The following SPTA1 variants were observed in gnomAD, a reference collection of about 807,000 sequenced individuals.
SPTA1 encodes spectrin alpha chain, erythrocytic 1.
Under a neutral mutation model 324.7 loss-of-function variants are expected in SPTA1, and 177 were observed. The ratio of observed to expected loss-of-function variants is 0.55; its 90% confidence interval spans 0.48 to 0.62. The LOEUF (loss-of-function observed/expected upper bound fraction) is 0.62. SPTA1 is among the 20% of genes least tolerant of loss of function. SPTA1 has a pLI of 0.00. For missense variants in SPTA1, 3,162 were observed against 2,883.6 expected, an observed-to-expected ratio of 1.10 and a Z score of -2.21; for synonymous variants, 1,195 against 1,041.3, an observed-to-expected ratio of 1.15 and a Z score of -2.84.
At chr1:158,658,943 A>T (rs1408684459) in intron 18 of SPTA1, among the ~76,000 whole-genome samples, 5 of 152,086 alleles carry the variant, frequency 3.3e-5, no homozygotes, top group Non-Finnish European at 5.9e-5. Flanking sequence ...CTTTAGATGA[A>T]CAAAAGTCTA....
In SPTA1 at chr1:158,669,422, C is replaced by G. The variant is rs534906145; in HGVS notation, c.1819G>C (p.Asp607His). 6.8e-6 allele frequency: 11 copies of G among 1,614,124 alleles called. No individual in the cohort carries two copies. In the East Asian group the frequency reaches 2.2e-4, roughly 33 times the overall value. Residue 607 changes from aspartate to histidine, a missense_variant, in exon 14 of 52, where the codon GAT becomes CAT. Asp to His is a moderately conservative substitution (Grantham distance 81). Transcript: ENST00000643759. ...WINKKKKLAD[D>H]EDYKDIQNLK... ...ACTCTGCCTACCTTGTAATCTTCAT[C>G]ATCTGCCAACTTTTTCTTCTTGTTG...
At chr1:158,618,537 T>C (rs1020355140) in intron 45 of SPTA1, among the ~76,000 whole-genome samples, 2 of 152,206 alleles carry the variant, frequency 1.3e-5, no homozygotes, top group African/African-American at 4.8e-5. Flanking sequence ...ACTTTGACCA[T>C]GTATTCTAAT....
chr1:158,619,600 T>A (rs1649781829), intron 44 of SPTA1, among the ~76,000 whole-genome samples: 1 of 152,020 alleles, frequency 6.6e-6, no homozygotes, highest in African/African-American at 2.4e-5. Flanking sequence ...AAAGCAAACC[T>A]CTCCTGTTTA....
intron 23 of SPTA1, among the ~76,000 whole-genome samples, 170 bp from the exon 24 acceptor site, chr1:158,651,638 T>G (rs549265030): frequency 1.3e-5 from 2 of 152,346 alleles, no homozygotes; most frequent in Non-Finnish European, 2.9e-5. Flanking sequence ...TTAAAGATCT[T>G]GACACCTAGT....
Position 158,611,292 on chromosome 1 carries a change from C to A in SPTA1, c.7232G>T (p.Gly2411Val). ...GTTGCCAAAGTAGGAATTGGTGAAG[C>A]CAACGTAGTCATAGCCAGAGAGATG... The part of the protein sequence containing the change: ...RSHLSGYDYV[G>V]FTNSYFGN The change falls in exon 52 of 52, where the codon GGC (glycine) becomes GTC (valine). Residue 2411 changes from glycine to valine, a missense_variant. Physicochemically the swap from Gly to Val is moderately radical, Grantham distance 109 (BLOSUM62 -3). Coordinates refer to ENST00000643759, the MANE Select transcript of SPTA1 (RefSeq NM_003126.4). The A allele has an allele frequency of 6.2e-7, 1 of 1,613,788 alleles. No individual in the cohort carries two copies.
At chr1:158,630,878 G>A (rs906562321) in intron 39 of SPTA1, among the ~76,000 whole-genome samples, 5 of 152,126 alleles carry the variant, frequency 3.3e-5, no homozygotes, top group African/African-American at 9.6e-5. Context: ...ATGAAAAAAT[G>A]TTCAATATCA....
chr1:158,629,781 G>C (rs1650559707), intron 39 of SPTA1, among the ~76,000 whole-genome samples: 1 of 151,736 alleles, frequency 6.6e-6, no homozygotes, highest in Non-Finnish European at 1.5e-5. Context: ...AAAACTGTTA[G>C]AACTAGTAAA....
chr1:158,636,946 G>A (rs548875359), intron 36 of SPTA1, among the ~76,000 whole-genome samples, 185 bp from the exon 37 acceptor site: 1 of 152,170 alleles, frequency 6.6e-6, no homozygotes, highest in East Asian at 1.9e-4. Flanking sequence ...ACTTCTGACT[G>A]AGCCAATACA....
chr1:158,645,393 A>T lies in SPTA1; in HGVS notation c.3997-8T>A, dbSNP rs768253150. 20 of 1,613,692 alleles carry T rather than the reference A, an allele frequency of 1.2e-5. No individual in the cohort carries two copies. Among genetic ancestry groups the T allele is most frequent in the Non-Finnish European group, 1.7e-5 (20 of 1,179,880 alleles). ...CATGTCAGCACGGTGCTCCTGTGGG[A>T]AAAAGGGGGAAGAAATCAGTGAGGC... is the stretch of plus-strand genomic sequence containing the variant. On this transcript the variant is annotated splice_region_variant and splice_polypyrimidine_tract_variant and intron_variant, in intron 28 of 51. Coordinates refer to ENST00000643759, the MANE Select transcript of SPTA1 (RefSeq NM_003126.4).
intron 47 of SPTA1, 53 bp downstream of exon 47, chr1:158,617,484 A>T: frequency 6.7e-7 from 1 of 1,490,038 alleles, no homozygotes; most frequent in South Asian, 1.1e-5. Flanking sequence ...GATTATTTTT[A>T]CACTCCTTAT....
Position 158,644,602 on chromosome 1 carries a change from C to G in SPTA1, c.4195-206G>C, listed in dbSNP as rs184548028. ...CTTTATGTTTCTGTATATGCTACCT[C>G]CAATTCCTGGGGTGCTATTTCCTAT... On this transcript the variant is annotated intron_variant, in intron 29 of 51. Coordinates refer to ENST00000643759, the MANE Select transcript of SPTA1 (RefSeq NM_003126.4). Among the ~76,000 whole-genome samples the G allele has an allele frequency of 1.6e-4, 25 of 152,318 alleles. No individual in the cohort carries two copies. The East Asian group carries it at 4.8e-3, about 29-fold the overall frequency.
intron 15 of SPTA1, 117 bp downstream of exon 15, chr1:158,667,741 C>CA: frequency 9.2e-7 from 1 of 1,081,286 alleles, no homozygotes; most frequent in South Asian, 1.5e-5. Context: ...CACATGGAAG[C>CA]AAATGAGTAG....
chr1:158,618,133 T>A, intron 45 of SPTA1, 77 bp from the exon 46 acceptor site: 2 of 1,373,152 alleles, frequency 1.5e-6, no homozygotes, highest in African/African-American at 2.8e-5. Context: ...ACTTTAAAGA[T>A]CTCATTTCCT....
chr1:158,630,460 G>T (rs1384745056), intron 39 of SPTA1, among the ~76,000 whole-genome samples: 3 of 151,912 alleles, frequency 2.0e-5, no homozygotes, highest in African/African-American at 7.3e-5. Context: ...AATGAAATAA[G>T]ACCCTTATGC....
intron 46 of SPTA1, 72 bp from the exon 47 acceptor site, chr1:158,617,660 G>T: frequency 7.1e-7 from 1 of 1,402,826 alleles, no homozygotes; most frequent in Non-Finnish European, 1.0e-6. Context: ...ATACCAACTC[G>T]AAGCTCCTCT....
rs143642542 is a variant in SPTA1 at position 158,647,606 on chromosome 1, G to A, written c.3829C>T (p.Arg1277Cys). The A allele has an allele frequency of 9.7e-5, 156 of 1,613,852 alleles. 2 individuals are homozygous for A. In the African/African-American group the frequency reaches 9.9e-4, roughly 10 times the overall value. The change falls in exon 27 of 52, where the codon CGT becomes TGT. Residue 1277 changes from arginine (R) to cysteine (C), a missense_variant. Transcript: ENST00000643759. ...LNEAWEDLQG[R>C]TKDRKESLNE... ...AGGCTCTCCTTACGATCCTTTGTACGCCCCTGCAGGTCTTCCCAGGCCTCA... is the reference window on the plus strand; with the variant it reads ...AGGCTCTCCTTACGATCCTTTGTACACCCCTGCAGGTCTTCCCAGGCCTCA...
chr1:158,636,850 T>C (rs1415918163), intron 36 of SPTA1, 89 bp from the exon 37 acceptor site: 26 of 1,602,794 alleles, frequency 1.6e-5, no homozygotes, highest in Non-Finnish European at 2.2e-5. Flanking sequence ...TGTGTGTGGC[T>C]GGTGGTGAGG....
rs943298664 is a variant in SPTA1, at chr1:158,670,323, A to G, written c.1600-537T>C. Among the ~76,000 whole-genome samples, 58 of 152,338 alleles carry G rather than the reference A, an allele frequency of 3.8e-4. 1 individual carries two copies. The highest frequency in any genetic ancestry group is 3.8e-3 in the Admixed American group (58 of 15,294). ...AATCCCCCAAATTGCTAGAGCTCAG[A>G]ATTAATTGATTGGAATAAGAAAATG... is the stretch of plus-strand genomic sequence containing the variant. On this transcript the variant is annotated intron_variant, in intron 12 of 51. Coordinates refer to ENST00000643759, the MANE Select transcript of SPTA1 (RefSeq NM_003126.4).
intron 27 of SPTA1, among the ~76,000 whole-genome samples, chr1:158,647,309 G>A (rs1652068441): frequency 6.6e-6 from 1 of 152,156 alleles, no homozygotes; most frequent in Admixed American, 6.5e-5. Flanking sequence ...GAACAAAAAA[G>A]CTTCTACATT....
Sources: gnomAD v4.1 joint callset for allele counts (sites outside exome capture counted in the v4.1 genomes callset) on GRCh38, gnomAD v4.1.1 for gene constraint, MANE v1.5 for transcripts, NCBI Gene and HGNC (gene_info 2026-07-23, HGNC 2026-07-21) for gene names.